DOCK11: variants seen among roughly 807,000 people sequenced by gnomAD.
DOCK11 encodes dedicator of cytokinesis 11, also known as dedicator of cytokinesis protein 11.
In DOCK11, 70 loss-of-function variants were observed where a neutral mutation model predicts 169.1. The ratio of observed to expected loss-of-function variants is 0.41; its 90% CI spans 0.34 to 0.51. DOCK11 has a LOEUF of 0.51. Among genes scored for constraint, DOCK11 ranks in the 20% least tolerant of loss-of-function variants. DOCK11 has a pLI of 0.10. For missense variants in DOCK11, 1,166 were observed against 1,538.8 expected (o/e 0.76, Z 4.05); for synonymous variants, 529 against 541.3 (o/e 0.98, Z 0.32).
intron 45 of DOCK11, among the ~76,000 whole-genome samples, chrX:118,664,381 C>T (rs1052552697): frequency 9.9e-5 from 11 of 111,405 alleles, no homozygotes; most frequent in East Asian, 8.4e-4. Context: ...TGAGGCTGGG[C>T]GCAGTGTCTC....
At chrX:118,648,101 C>A in intron 40 of DOCK11, among the ~76,000 whole-genome samples, 7 of 63,184 alleles carry the variant, frequency 1.1e-4, no homozygotes, top group Non-Finnish European at 1.9e-4. Flanking sequence ...TAATATTATA[C>A]AATATAATAT....
At chrX:118,555,225 T>G (rs1337734538) in intron 6 of DOCK11, among the ~76,000 whole-genome samples, 3 of 111,779 alleles carry the variant, frequency 2.7e-5, no homozygotes, top group African/African-American at 9.8e-5. Context: ...TATTTGATTT[T>G]TACTCAGTTT....
At chrX:118,668,049 T>C (rs1055105699) in intron 45 of DOCK11, among the ~76,000 whole-genome samples, 10 of 112,396 alleles carry the variant, frequency 8.9e-5, no homozygotes, top group African/African-American at 3.2e-4. Context: ...TTTCTACATA[T>C]ACAATTATGC....
At chrX:118,545,759 C>A (rs1040268394) in intron 5 of DOCK11, among the ~76,000 whole-genome samples, 5 of 111,137 alleles carry the variant, frequency 4.5e-5, no homozygotes, top group African/African-American at 1.6e-4. Context: ...TGTGACATTT[C>A]GAGGTGCAGT....
At chrX:118,674,453 A>G (rs2016562493) in intron 46 of DOCK11, among the ~76,000 whole-genome samples, 1 of 112,443 alleles carries the variant, frequency 8.9e-6, no homozygotes. Flanking sequence ...GCCTGTTAAC[A>G]TAATATTTAG....
rs372984219 is a variant in DOCK11, at chrX:118,622,070, G to A, written c.3472-2469G>A. 2.1e-4 allele frequency among the ~76,000 whole-genome samples: 24 copies of A among 111,950 alleles called. No homozygotes were observed. In the South Asian group the frequency reaches 6.3e-3, roughly 29 times the overall value. The stretch of plus-strand genomic sequence containing the variant: ...AATGTTCATACCTAAGAGAACTGCA[G>A]ATTCTACTTCTAGTTCGGCTGTGGG... On this transcript the variant is annotated intron_variant, in intron 31 of 52. Coordinates refer to ENST00000276202, the MANE Select transcript of DOCK11 (RefSeq NM_144658.4).
At chrX:118,523,456 T>G (rs1332469529) in intron 1 of DOCK11, among the ~76,000 whole-genome samples, 1 of 112,361 alleles carries the variant, frequency 8.9e-6, no homozygotes. Flanking sequence ...TTATTTACTC[T>G]GCTTATGAAA....
chrX:118,510,789 A>G (rs1444635370), intron 1 of DOCK11, among the ~76,000 whole-genome samples: 1 of 111,939 alleles, frequency 8.9e-6, no homozygotes, highest in Non-Finnish European at 1.9e-5. Flanking sequence ...TTTTCAAGGT[A>G]ATCACAGAAT....
chrX:118,562,268 T>C (rs1005214756), intron 7 of DOCK11, among the ~76,000 whole-genome samples: 2 of 111,234 alleles, frequency 1.8e-5, no homozygotes, highest in Admixed American at 1.9e-4. Context: ...CAGAATCCTC[T>C]TCAGTGCCCT....
Position 118,607,924 on chromosome X carries a change from T to C in DOCK11, c.2682-148T>C, listed in dbSNP as rs757379457. On this transcript the variant is annotated intron_variant, in intron 24 of 52. Transcript: ENST00000276202. Reference sequence around the variant, plus strand: ...GCTGAAATCTTTGTTATGCCTAAACTATCACCATTATATCTAATGCAATCA... The same window carrying C: ...GCTGAAATCTTTGTTATGCCTAAACCATCACCATTATATCTAATGCAATCA... 67 of 446,431 alleles carry C rather than the reference T, an allele frequency of 1.5e-4. No individual in the cohort carries two copies. In the South Asian group the frequency reaches 3.1e-3, roughly 21 times the overall value. 36.8% of individuals were successfully genotyped at this position (446,431 alleles called of 1,213,427 possible). A position where few individuals can be genotyped will look rare whatever the true frequency, so the allele number is the denominator to read the frequency against.
At chrX:118,660,963 T>G (rs1240166242) in intron 44 of DOCK11, among the ~76,000 whole-genome samples, 2 of 110,192 alleles carry the variant, frequency 1.8e-5, no homozygotes, top group Non-Finnish European at 3.8e-5. Flanking sequence ...ATCTCAGCAC[T>G]TTGGTAATCT....
chrX:118,544,913 C>T (rs1414629508), intron 4 of DOCK11, among the ~76,000 whole-genome samples: 1 of 106,933 alleles, frequency 9.4e-6, no homozygotes, highest in African/African-American at 3.4e-5. Context: ...TCAGGTGATC[C>T]ACCCGCCTCT....
At position 118,632,099 on chromosome X, in the gene DOCK11, C is replaced by T. The variant is rs777962287; in HGVS notation, c.3886+1609C>T. Among the ~76,000 whole-genome samples, 724 of 110,823 alleles carry T rather than the reference C, an allele frequency of 6.5e-3. 5 individuals carry two copies. Among genetic ancestry groups the T allele is most frequent in the Non-Finnish European group, 8.0e-3 (420 of 52,813 alleles). On this transcript the variant is annotated intron_variant, in intron 35 of 52. Transcript: ENST00000276202. ...CCTCCCGAGTAGCTGGGACTACAGG[C>T]GCCCGCCACCACGCCCGGCTAATTT...
Position 118,588,451 on chromosome X carries a change from A to G in DOCK11, c.2019A>G (p.Ser673=), listed in dbSNP as rs749787343. Reference sequence around the variant, plus strand: ...CAGTCTGTGTGGAATTCCGGGATTCAGATGAAAGTGACGCTAGTGCCCTAA... The same window carrying G: ...CAGTCTGTGTGGAATTCCGGGATTCGGATGAAAGTGACGCTAGTGCCCTAA... The part of the protein sequence containing the change: ...NIAVCVEFRD[S]DESDASALKC... The change falls in exon 18 of 53, where the codon TCA becomes TCG. Residue 673 remains serine (S), a synonymous_variant. Coordinates refer to ENST00000276202, the MANE Select transcript of DOCK11 (RefSeq NM_144658.4). 2 of 1,192,830 alleles carry G rather than the reference A, an allele frequency of 1.7e-6. No homozygotes were observed.
In DOCK11 at chrX:118,597,669, G is replaced by A. The variant is rs769165993; in HGVS notation, c.2385+117G>A. 6.1e-5 allele frequency: 51 copies of A among 840,019 alleles called. No homozygotes were observed. The African/African-American group carries it at 9.3e-4, about 15-fold the overall frequency. 69.2% of individuals were successfully genotyped at this position (840,019 alleles called of 1,213,427 possible). Reference sequence around the variant, plus strand: ...CAAAGTGGGGTCTGAGGGCTGGTGCGGGTCCACAACAAAGATAAACATGGA... The same window carrying A: ...CAAAGTGGGGTCTGAGGGCTGGTGCAGGTCCACAACAAAGATAAACATGGA... On this transcript the variant is annotated intron_variant, in intron 21 of 52. Transcript: ENST00000276202.
intron 48 of DOCK11, among the ~76,000 whole-genome samples, chrX:118,677,436 T>G (rs1329826808): frequency 8.9e-6 from 1 of 112,200 alleles, no homozygotes; most frequent in Non-Finnish European, 1.9e-5. Context: ...TGTCCTTAGT[T>G]GCCTTGGGTG....
At chrX:118,531,643 C>T (rs931389409) in intron 1 of DOCK11, among the ~76,000 whole-genome samples, 4 of 107,696 alleles carry the variant, frequency 3.7e-5, no homozygotes, top group Non-Finnish European at 7.7e-5. Flanking sequence ...CTGCAACCTC[C>T]GCCTCCCAAG....
At chrX:118,633,441 C>T (rs1270955999) in intron 35 of DOCK11, 2 of 111,763 alleles carry the variant, frequency 1.8e-5, no homozygotes, top group Non-Finnish European at 3.8e-5. Context: ...ACCTTTGTTT[C>T]AAGTGTCCCT....
intron 10 of DOCK11, among the ~76,000 whole-genome samples, chrX:118,571,736 T>G (rs187757590): frequency 1.8e-3 from 200 of 111,832 alleles, no homozygotes; most frequent in African/African-American, 5.9e-3. Context: ...TAAACACATA[T>G]AAAAAGTAAT....
Sources: allele counts gnomAD v4.1 joint callset (sites outside exome capture counted in the v4.1 genomes callset), GRCh38; gene constraint gnomAD v4.1.1; transcripts MANE v1.5; gene names NCBI Gene and HGNC (gene_info 2026-07-23, HGNC 2026-07-21).